Variants in FAM185A observed in about 807,000 individuals in gnomAD.
FAM185A encodes the protein protein FAM185A.
In FAM185A, 21 loss-of-function variants were observed where a neutral mutation model predicts 45.7. That is an observed-to-expected ratio of 0.46 (90% CI 0.33 to 0.66). The LOEUF is 0.66. Among genes scored for constraint, FAM185A ranks in the 30% least tolerant of loss-of-function variants. FAM185A has a pLI of 0.03. For synonymous variants in FAM185A, 117 were observed against 194.0 expected (o/e 0.60, Z 3.30); for missense variants, 305 against 485.4 (o/e 0.63, Z 3.49).
the FAM185A span, among the ~76,000 whole-genome samples, chr7:102,818,225 C>T: frequency 5.3e-5 from 8 of 152,338 alleles, no homozygotes; most frequent in South Asian, 1.7e-3. Flanking sequence ...TCTACCCTTA[C>T]TGACCACATC....
At chr7:102,791,469 G>A (rs1418028351) in intron 7 of FAM185A, among the ~76,000 whole-genome samples, 1 of 152,224 alleles carries the variant, frequency 6.6e-6, no homozygotes, top group African/African-American at 2.4e-5. Flanking sequence ...TACCTCATTG[G>A]TTATTATGAA....
chr7:102,764,110 C>G (rs940719141), intron 4 of FAM185A, among the ~76,000 whole-genome samples: 2 of 151,880 alleles, frequency 1.3e-5, no homozygotes, highest in African/African-American at 2.4e-5. Flanking sequence ...AAAATTTAAT[C>G]CAGTTTCAAA....
chr7:102,816,729 ATGC>A, the FAM185A span, among the ~76,000 whole-genome samples: 1 of 152,180 alleles, frequency 6.6e-6, no homozygotes, highest in Non-Finnish European at 1.5e-5. Context: ...AGTGAACATA[ATGC>A]CCAGTAGGTA....
At chr7:102,844,686 A>G in the FAM185A span, among the ~76,000 whole-genome samples, 2 of 152,176 alleles carry the variant, frequency 1.3e-5, no homozygotes, top group African/African-American at 2.4e-5. Context: ...TGTGACACCA[A>G]CTGGATGTTC....
the FAM185A span, among the ~76,000 whole-genome samples, chr7:102,826,769 A>ATATGTATG: frequency 3.0e-5 from 3 of 100,744 alleles, no homozygotes; most frequent in African/African-American, 1.1e-4. Flanking sequence ...ATATATATAT[A>ATATGTATG]TATGTATATA....
intron 1 of FAM185A, among the ~76,000 whole-genome samples, chr7:102,750,854 A>G (rs1025471074): frequency 1.3e-5 from 2 of 152,154 alleles, no homozygotes; most frequent in Non-Finnish European, 2.9e-5. Context: ...TTATTTTCCA[A>G]ACTTGCTTCA....
chr7:102,766,807 T>G lies in FAM185A; in HGVS notation c.793+5396T>G, dbSNP rs528302125. On this transcript the variant is annotated intron_variant, in intron 4 of 7. Coordinates refer to ENST00000413034, the MANE Select transcript of FAM185A (RefSeq NM_001145268.2). ...TTGTTTTTTTTGTTTTGTTTTGTTTTGTTTTTGAGAGAAGTCTCACTCTTG... is the reference window on the plus strand; with the variant it reads ...TTGTTTTTTTTGTTTTGTTTTGTTTGGTTTTTGAGAGAAGTCTCACTCTTG... Among the ~76,000 whole-genome samples the G allele has an allele frequency of 1.4e-4, 21 of 152,270 alleles. No individual in the cohort carries two copies. In the South Asian group the frequency reaches 4.4e-3, roughly 32 times the overall value.
At chr7:102,774,153 G>A (rs1282195587) in intron 5 of FAM185A, among the ~76,000 whole-genome samples, 10 of 152,090 alleles carry the variant, frequency 6.6e-5, no homozygotes, top group Non-Finnish European at 1.3e-4. Context: ...AAGTTTCAGT[G>A]TAGAGATCTG....
At chr7:102,844,831 A>G in the FAM185A span, among the ~76,000 whole-genome samples, 1 of 152,206 alleles carries the variant, frequency 6.6e-6, no homozygotes, top group Non-Finnish European at 1.5e-5. Context: ...CCAGCTATAT[A>G]TTAGTGTTCC....
chr7:102,843,839 G>A, the FAM185A span, among the ~76,000 whole-genome samples: 1 of 152,100 alleles, frequency 6.6e-6, no homozygotes, highest in South Asian at 2.1e-4. Flanking sequence ...GCAAGATTGA[G>A]GGTCTCAAAA....
chr7:102,751,569 G>A (rs1349393813), intron 1 of FAM185A, 123 bp from the exon 2 acceptor site: 18 of 1,203,120 alleles, frequency 1.5e-5, no homozygotes, highest in Non-Finnish European at 2.0e-5. Flanking sequence ...TACCTTTACA[G>A]TATGCACTTT....
chr7:102,822,212 A>G, the FAM185A span: 6 of 1,613,796 alleles, frequency 3.7e-6, no homozygotes, highest in Admixed American at 3.3e-5. Flanking sequence ...ATCTGAACAC[A>G]GAGCCAAAGT....
At chr7:102,779,194 A>G (rs1286804590) in intron 6 of FAM185A, among the ~76,000 whole-genome samples, 1 of 152,192 alleles carries the variant, frequency 6.6e-6, no homozygotes, top group Non-Finnish European at 1.5e-5. Flanking sequence ...TCAACCATGA[A>G]GAAGTTTATG....
intron 7 of FAM185A, among the ~76,000 whole-genome samples, chr7:102,792,876 G>A (rs1796216364): frequency 6.6e-6 from 1 of 152,188 alleles, no homozygotes; most frequent in Non-Finnish European, 1.5e-5. Flanking sequence ...TCATGGGTTG[G>A]AAGAGGTTGA....
the FAM185A span, among the ~76,000 whole-genome samples, chr7:102,834,430 GATTATATAT>G: frequency 6.4e-5 from 9 of 139,878 alleles, no homozygotes; most frequent in Non-Finnish European, 1.4e-4. Flanking sequence ...ATATATGTGT[GATTATATAT>G]ATTATATATA....
intron 7 of FAM185A, among the ~76,000 whole-genome samples, chr7:102,789,596 C>T (rs1476673197): frequency 1.3e-5 from 2 of 152,286 alleles, no homozygotes; most frequent in African/African-American, 4.8e-5. Flanking sequence ...GTAATCTCAG[C>T]TACTCAGGAG....
chr7:102,774,256 T>A (rs1794921510), intron 5 of FAM185A, among the ~76,000 whole-genome samples: 1 of 152,188 alleles, frequency 6.6e-6, no homozygotes, highest in African/African-American at 2.4e-5. Context: ...ACTGCTGATA[T>A]ATGTAAATAC....
rs1793216409 is a variant in FAM185A, at chr7:102,749,527, G to C, written c.320G>C (p.Gly107Ala). 6.6e-7 allele frequency: 1 copy of C among 1,520,126 alleles called. No individual in the cohort carries two copies. The highest frequency in any genetic ancestry group is 2.5e-5 in the East Asian group (1 of 40,776). 94.2% of individuals were successfully genotyped at this position (1,520,126 alleles called of 1,614,324 possible). Residue 107 changes from glycine to alanine, a missense_variant, in exon 1 of 8, where the codon GGC (glycine) becomes GCC (alanine). Gly to Ala is a moderately conservative substitution (Grantham distance 60, BLOSUM62 0). Coordinates refer to ENST00000413034, the MANE Select transcript of FAM185A (RefSeq NM_001145268.2). ...DGDRVLVAVC[G>A]VEGGVRGLDG... ...GACCGCGTGCTGGTCGCGGTGTGCG[G>C]CGTGGAGGGCGGCGTGCGGGGCCTG... is the stretch of plus-strand genomic sequence containing the variant.
intron 5 of FAM185A, 149 bp downstream of exon 5, chr7:102,772,599 A>G: frequency 2.2e-6 from 1 of 464,062 alleles, no homozygotes; most frequent in Admixed American, 4.5e-5. Context: ...CAATGTACTA[A>G]TTATGTCCAC....
Sources: allele counts gnomAD v4.1 joint callset (sites outside exome capture counted in the v4.1 genomes callset), GRCh38; gene constraint gnomAD v4.1.1; transcripts MANE v1.5; gene names NCBI Gene and HGNC (gene_info 2026-07-23, HGNC 2026-07-21).